The following MMRN2 variants were observed in gnomAD, a reference collection of about 807,000 sequenced individuals.
MMRN2 encodes multimerin 2, also known as multimerin-2.
In MMRN2, 53 loss-of-function variants were observed where a neutral mutation model predicts 68.8. That is an observed-to-expected ratio of 0.77 (90% CI 0.62 to 0.97). The LOEUF (loss-of-function observed/expected upper bound fraction) is 0.97. Among genes scored for constraint, MMRN2 ranks in the 50% least tolerant of loss-of-function variants. The pLI is 0.00. For synonymous variants in MMRN2, 564 were observed against 551.6 expected (o/e 1.02, Z -0.32); for missense variants, 1,266 against 1,259.5 (o/e 1.01, Z -0.08).
chr10:86,945,550 C>T lies in MMRN2; in HGVS notation c.293+11G>A, dbSNP rs1844054435. The T allele has an allele frequency of 1.3e-6, 2 of 1,582,184 alleles. No homozygotes were observed. Among genetic ancestry groups the T allele is most frequent in the Non-Finnish European group, 1.7e-6 (2 of 1,163,550 alleles). ...CAGGCCTGGGCAAATGGCCCACCCT[C>T]CCCTACTCACATGACTTTGACTTTC... On this transcript the variant is annotated intron_variant, in intron 2 of 6. Coordinates refer to ENST00000372027, the MANE Select transcript of MMRN2 (RefSeq NM_024756.3).
rs373821031 is a variant in MMRN2 at position 86,936,699 on chromosome 10, G to C, written c.*44C>G. ...CTTGGCCAGAGCCCCAGGCCGAGGA[G>C]AGCTGGGCGAGTCCATGATGTCTGA... is the stretch of plus-strand genomic sequence containing the variant. On this transcript the variant is annotated 3_prime_UTR_variant, in exon 7 of 7. Transcript: ENST00000372027. 2 of 1,598,032 alleles carry C rather than the reference G, an allele frequency of 1.3e-6. No homozygotes were observed. The highest frequency in any genetic ancestry group is 2.7e-5 in the African/African-American group (2 of 74,638).
chr10:86,948,224 CAAAAA>C (rs57877767), intron 1 of MMRN2, among the ~76,000 whole-genome samples: 3 of 98,856 alleles, frequency 3.0e-5, no homozygotes, highest in Non-Finnish European at 4.1e-5. Context: ...AACCCTATCT[CAAAAA>C]AAAAAAAAAA....
intron 1 of MMRN2, among the ~76,000 whole-genome samples, chr10:86,951,333 C>A (rs1413550341): frequency 6.6e-6 from 1 of 152,218 alleles, no homozygotes; most frequent in Non-Finnish European, 1.5e-5. Flanking sequence ...AGGCCAGCTA[C>A]ATAATCTTCA....
intron 1 of MMRN2, among the ~76,000 whole-genome samples, chr10:86,950,478 G>C (rs908371898): frequency 2.0e-4 from 31 of 152,172 alleles, no homozygotes; most frequent in African/African-American, 7.5e-4. Context: ...GGTGTCACAG[G>C]AAACACTCTA....
intron 1 of MMRN2, among the ~76,000 whole-genome samples, chr10:86,946,870 T>G (rs1844077308): frequency 6.6e-6 from 1 of 152,064 alleles, no homozygotes; most frequent in Non-Finnish European, 1.5e-5. Flanking sequence ...AGTGCTAGGA[T>G]CTGCAGAGAC....
At position 86,943,271 on chromosome 10, in the gene MMRN2, G is replaced by T; in HGVS notation, c.1513C>A (p.Arg505=). ...QKLYLDLDVI[R]EGQRDATRAL... is the part of the protein sequence containing the mutation. ...CGCGTGGCGTCCCTCTGGCCCTCCC[G>T]GATGACGTCCAGGTCTAAATAGAGC... The change falls in exon 6 of 7, where the codon CGG becomes AGG. Residue 505 remains arginine, a synonymous_variant. Transcript: ENST00000372027. The surrounding 1 kb of genome is among the most constrained non-coding windows in gnomAD (Gnocchi z 4.2). 3 of 1,613,430 alleles carry T rather than the reference G, an allele frequency of 1.9e-6. No homozygotes were observed. In the South Asian group the frequency reaches 3.3e-5, roughly 18 times the overall value.
intron 1 of MMRN2, among the ~76,000 whole-genome samples, chr10:86,947,536 A>AT (rs566677951): frequency 1.3e-5 from 2 of 151,580 alleles, no homozygotes; most frequent in African/African-American, 2.4e-5. Flanking sequence ...AGCCTGGCTA[A>AT]TTTTTTTTGT....
chr10:86,936,490 G>A lies in MMRN2; in HGVS notation c.*253C>T. The A allele has an allele frequency of 1.8e-6, 1 of 570,340 alleles. No homozygotes were observed. The highest frequency in any genetic ancestry group is 3.1e-6 in the Non-Finnish European group (1 of 321,746). The allele number at this position is 570,340 out of a possible 1,614,324, so 35.3% of individuals were successfully genotyped here. Reference sequence around the variant, plus strand: ...GAGCCCAGGCCGTGCTGTCTGAGAAGGCATGCCAAGCCAAGGTTCAGGCTT... The same window carrying A: ...GAGCCCAGGCCGTGCTGTCTGAGAAAGCATGCCAAGCCAAGGTTCAGGCTT... On this transcript the variant is annotated 3_prime_UTR_variant, in exon 7 of 7. Coordinates refer to ENST00000372027, the MANE Select transcript of MMRN2 (RefSeq NM_024756.3).
intron 1 of MMRN2, among the ~76,000 whole-genome samples, chr10:86,956,499 A>G (rs1374598497): frequency 6.6e-6 from 1 of 152,180 alleles, no homozygotes; most frequent in Non-Finnish European, 1.5e-5. Context: ...GTGTGGGGGC[A>G]GGAGGGTGGA....
chr10:86,953,739 C>G lies in MMRN2; in HGVS notation c.164+3639G>C, dbSNP rs556137776. Among the ~76,000 whole-genome samples the G allele has an allele frequency of 2.0e-5, 3 of 152,378 alleles. No homozygotes were observed. The South Asian group carries it at 6.2e-4, about 32-fold the overall frequency. On this transcript the variant is annotated intron_variant, in intron 1 of 6. Transcript: ENST00000372027. ...GTATGCCAGGGCTGAGAAACTCTCT[C>G]TAAACAAACTTCCATTCCTTGCAAA...
Position 86,942,570 on chromosome 10 carries a change from G to T in MMRN2, c.2214C>A (p.Phe738Leu). 1.2e-6 allele frequency: 2 copies of T among 1,612,576 alleles called. No individual in the cohort carries two copies. Among genetic ancestry groups the T allele is most frequent in the Non-Finnish European group, 1.7e-6 (2 of 1,179,950 alleles). Residue 738 changes from phenylalanine to leucine, a missense_variant, in exon 6 of 7, where the codon TTC becomes TTA. Phe to Leu is a conservative substitution (Grantham distance 22, BLOSUM62 0). Transcript: ENST00000372027. The part of the protein sequence containing the change: ...ASLHGLHNAL[F>L]ATQRSLEQHQ... ...GCTGCTCCAAGCTGCGCTGAGTGGC[G>T]AAGAGTGCGTTGTGGAGGCCGTGAA...
chr10:86,953,455 C>T (rs945511343), intron 1 of MMRN2, among the ~76,000 whole-genome samples: 3 of 152,120 alleles, frequency 2.0e-5, no homozygotes, highest in South Asian at 2.1e-4. Context: ...GTTCCTCTGC[C>T]GCGGCTCCAG....
chr10:86,937,220 A>G (rs1843893387), intron 6 of MMRN2, 95 bp from the exon 7 acceptor site: 1 of 1,331,806 alleles, frequency 7.5e-7, no homozygotes, highest in African/African-American at 1.5e-5. Flanking sequence ...CTTATTAGCA[A>G]TGGAAATAGG....
In MMRN2 at chr10:86,942,863, G is replaced by T; in HGVS notation, c.1921C>A (p.Leu641Met). 1.4e-6 allele frequency: 2 copies of T among 1,412,672 alleles called. No homozygotes were observed. 87.5% of individuals were successfully genotyped at this position (1,412,672 alleles called of 1,614,324 possible). A position where few individuals can be genotyped will look rare whatever the true frequency, so the allele number is the denominator to read the frequency against. The change falls in exon 6 of 7, where the codon CTG (leucine) becomes ATG (methionine). Residue 641 changes from leucine (L) to methionine (M), a missense_variant. Transcript: ENST00000372027. Reference sequence around the variant, plus strand: ...TGCAGCCCGCTAGCGGCGTCCTGCAGGGCCACGCGGATCTGCTCGTAGCTC... The same window carrying T: ...TGCAGCCCGCTAGCGGCGTCCTGCATGGCCACGCGGATCTGCTCGTAGCTC... ...PLSYEQIRVA[L>M]QDAASGLQEQ...
intron 1 of MMRN2, among the ~76,000 whole-genome samples, chr10:86,956,520 T>C (rs574372930): frequency 6.6e-6 from 1 of 152,234 alleles, no homozygotes; most frequent in Admixed American, 6.5e-5. Flanking sequence ...GGTAGGAGCA[T>C]CTGGGGGCTG....
intron 6 of MMRN2, among the ~76,000 whole-genome samples, chr10:86,939,116 C>CG (rs1843919128): frequency 7.3e-6 from 1 of 137,526 alleles, no homozygotes; most frequent in Non-Finnish European, 1.5e-5. Flanking sequence ...GAGCCGAGAT[C>CG]ACGCCGTTGC....
chr10:86,957,004 T>C (rs1396521031), intron 1 of MMRN2, among the ~76,000 whole-genome samples: 1 of 152,212 alleles, frequency 6.6e-6, no homozygotes, highest in South Asian at 2.1e-4. Context: ...CAGGGCAGCC[T>C]TGCTGGGTCT....
intron 6 of MMRN2, among the ~76,000 whole-genome samples, chr10:86,941,589 G>C (rs1843966956): frequency 6.6e-6 from 1 of 151,918 alleles, no homozygotes; most frequent in Admixed American, 6.6e-5. Context: ...CTTGATCCCA[G>C]GAATTTGAGA....
chr10:86,937,023 G>T lies in MMRN2; in HGVS notation c.2570C>A (p.Pro857His). The T allele has an allele frequency of 6.2e-7, 1 of 1,614,224 alleles. No homozygotes were observed. Among genetic ancestry groups the T allele is most frequent in the Non-Finnish European group, 8.5e-7 (1 of 1,180,032 alleles). ...AGGGGCTCGGAAGTAGCCATGTTCA[G>T]GGAAGTAGCTGCTGCCAATGTTGAT... is the stretch of plus-strand genomic sequence containing the variant. ...TYINIGSSYF[P>H]EHGYFRAPER... The change falls in exon 7 of 7, where the codon CCT becomes CAT. Residue 857 changes from proline to histidine, a missense_variant. By Grantham distance (77) the Pro-to-His change is moderately conservative (BLOSUM62 -2). Coordinates refer to ENST00000372027, the MANE Select transcript of MMRN2 (RefSeq NM_024756.3).
Sources: gnomAD v4.1 joint callset for allele counts (sites outside exome capture counted in the v4.1 genomes callset) on GRCh38, gnomAD v4.1.1 for gene constraint, Gnocchi (gnomAD v3.1) non-coding constraint, MANE v1.5 for transcripts, NCBI Gene and HGNC (gene_info 2026-07-23, HGNC 2026-07-21) for gene names.